CNTNAP4: variants seen among roughly 807,000 people sequenced by gnomAD.
CNTNAP4 encodes the protein contactin associated protein family member 4.
In CNTNAP4, 98 loss-of-function variants were observed where a neutral mutation model predicts 148.4. The observed-to-expected ratio is 0.66, with a 90% confidence interval of 0.56 to 0.78. The LOEUF (loss-of-function observed/expected upper bound fraction) is 0.78. Ranked by LOEUF, CNTNAP4 falls within the 30% of genes least tolerant of loss-of-function variation. The probability of loss-of-function intolerance (pLI) is 0.00; values close to 1 mark genes in which losing one functional copy is unlikely to be tolerated. For synonymous variants in CNTNAP4, 730 were observed against 565.1 expected (o/e 1.29, Z -4.14); for missense variants, 1,935 against 1,565.6 (o/e 1.24, Z -3.98).
intron 3 of CNTNAP4, among the ~76,000 whole-genome samples, chr16:76,385,723 T>C (rs1013964061): frequency 6.6e-6 from 1 of 152,182 alleles, no homozygotes; most frequent in Non-Finnish European, 1.5e-5. Context: ...CATCAATACG[T>C]AACCTTGTTT....
At chr16:76,515,615 T>C (rs1235248878) in intron 15 of CNTNAP4, among the ~76,000 whole-genome samples, 1 of 152,190 alleles carries the variant, frequency 6.6e-6, no homozygotes, top group African/African-American at 2.4e-5. Context: ...ACCTGTGAGA[T>C]TTTGTTATGG....
rs1404563468 is a variant in CNTNAP4, at chr16:76,508,112, C to G, written c.2365+9418C>G. On this transcript the variant is annotated intron_variant, in intron 15 of 23. Transcript: ENST00000611870. ...TCATTTATTCTTGTGTTCCTGATAA[C>G]TAATGTATTACCTATTGCACAAAAG... is the stretch of plus-strand genomic sequence containing the variant. Among the ~76,000 whole-genome samples the G allele has an allele frequency of 8.2e-5, 8 of 97,454 alleles. 3 individuals are homozygous for G. The highest frequency in any genetic ancestry group is 2.3e-4 in the Non-Finnish European group (8 of 34,410). 63.9% of individuals were successfully genotyped at this position (97,454 alleles called of 152,430 possible). A position where few individuals can be genotyped will look rare whatever the true frequency, so the allele number is the denominator to read the frequency against.
chr16:76,369,882 C>A (rs563898797), intron 3 of CNTNAP4, among the ~76,000 whole-genome samples: 1 of 151,924 alleles, frequency 6.6e-6, no homozygotes, highest in Non-Finnish European at 1.5e-5. Flanking sequence ...AGAGGATTTG[C>A]CCTTTCTCCT....
In CNTNAP4 at chr16:76,316,396, A is replaced by G; in HGVS notation, c.86-17A>G. ...CAGCACTAACTAACCCTAACGTGGC[A>G]TTGTTCCTCCTGGCAGATGACTGTG... On this transcript the variant is annotated splice_polypyrimidine_tract_variant and intron_variant, in intron 1 of 23. Coordinates refer to ENST00000611870, the MANE Select transcript of CNTNAP4 (RefSeq NM_033401.5). 3 of 1,581,684 alleles carry G rather than the reference A, an allele frequency of 1.9e-6. No homozygotes were observed. Among genetic ancestry groups the G allele is most frequent in the Middle Eastern group, 1.7e-4 (1 of 6,010 alleles).
chr16:76,361,118 C>T (rs569898076), intron 3 of CNTNAP4, among the ~76,000 whole-genome samples: 5 of 151,956 alleles, frequency 3.3e-5, no homozygotes, highest in East Asian at 1.9e-4. Context: ...GCACCGCGCC[C>T]GGCCCATTTT....
intron 2 of CNTNAP4, among the ~76,000 whole-genome samples, chr16:76,354,627 G>C (rs1048520095): frequency 6.6e-6 from 1 of 152,140 alleles, no homozygotes; most frequent in Non-Finnish European, 1.5e-5. Flanking sequence ...AGATGGTTAT[G>C]TTTAATAACT....
chr16:76,502,152 C>G (rs2082675495), intron 15 of CNTNAP4, among the ~76,000 whole-genome samples: 1 of 152,008 alleles, frequency 6.6e-6, no homozygotes, highest in African/African-American at 2.4e-5. Flanking sequence ...AAACAGTAAT[C>G]AAGTGATTGG....
intron 8 of CNTNAP4, among the ~76,000 whole-genome samples, chr16:76,460,025 ATATG>A (rs1568261759): frequency 6.6e-6 from 1 of 152,158 alleles, no homozygotes; most frequent in Non-Finnish European, 1.5e-5. Context: ...AACTTGGAAA[ATATG>A]TAAGTAAATA....
chr16:76,465,461 ACT>A (rs1305048079), intron 9 of CNTNAP4, among the ~76,000 whole-genome samples: 13 of 151,916 alleles, frequency 8.6e-5, no homozygotes, highest in African/African-American at 3.1e-4. Flanking sequence ...TTTCCTGGTG[ACT>A]CTGGGTTTGC....
At chr16:76,439,384 G>T (rs1050088316) in intron 4 of CNTNAP4, among the ~76,000 whole-genome samples, 3 of 152,114 alleles carry the variant, frequency 2.0e-5, no homozygotes. Flanking sequence ...GAGGCATTTT[G>T]ATATTTCCAT....
intron 1 of CNTNAP4, among the ~76,000 whole-genome samples, chr16:76,282,314 G>A (rs906877962): frequency 4.0e-5 from 6 of 151,812 alleles, no homozygotes; most frequent in African/African-American, 1.4e-4. Context: ...ATCTCAAGTG[G>A]TCTTGTTAGG....
At chr16:76,407,477 A>G (rs1454046140) in intron 3 of CNTNAP4, among the ~76,000 whole-genome samples, 2 of 151,984 alleles carry the variant, frequency 1.3e-5, no homozygotes, top group African/African-American at 4.8e-5. Flanking sequence ...AGGTAAAAAT[A>G]TCAGCATTAA....
chr16:76,459,676 C>T (rs557935477), intron 8 of CNTNAP4, among the ~76,000 whole-genome samples: 1 of 152,238 alleles, frequency 6.6e-6, no homozygotes, highest in African/African-American at 2.4e-5. Context: ...AAATCACATG[C>T]AATATCAGAA....
In CNTNAP4 at chr16:76,553,317, A is replaced by C. The variant is rs1282700797; in HGVS notation, c.3477A>C (p.Ala1159=). Residue 1159 remains alanine (A), a synonymous_variant, in exon 22 of 24, where the codon GCA becomes GCC. Transcript: ENST00000611870. ...ATGTGGACCAGGATACTGCACTGGCAGGTGCGCAGGGCTTCACAGGCTGCC... is the reference window on the plus strand; with the variant it reads ...ATGTGGACCAGGATACTGCACTGGCCGGTGCGCAGGGCTTCACAGGCTGCC... The part of the protein sequence containing the change: ...HSDVDQDTAL[A]GAQGFTGCLS... 1 of 1,612,252 alleles carries C rather than the reference A, an allele frequency of 6.2e-7. No individual in the cohort carries two copies. The highest frequency in any genetic ancestry group is 8.5e-7 in the Non-Finnish European group (1 of 1,178,762).
At position 76,427,580 on chromosome 16, in the gene CNTNAP4, A is replaced by G. The variant is rs1422184824; in HGVS notation, c.519A>G (p.Glu173=). The G allele has an allele frequency of 3.7e-6, 6 of 1,612,090 alleles. No homozygotes were observed. In the East Asian group the frequency reaches 8.9e-5, roughly 24 times the overall value. ...NPKGRIGMRI[E]VFGCAYRSEV... is the part of the protein sequence containing the mutation. ...AGGGCAGAATTGGAATGCGAATCGA[A>G]GTGTTCGGATGTGCATACAGTAAGT... Residue 173 remains glutamate (E), a synonymous_variant, in exon 4 of 24, where the codon GAA becomes GAG. Coordinates refer to ENST00000611870, the MANE Select transcript of CNTNAP4 (RefSeq NM_033401.5).
In CNTNAP4 at chr16:76,298,131, T is replaced by G. The variant is rs2096560319; in HGVS notation, c.86-18282T>G. Among the ~76,000 whole-genome samples, 4 of 152,116 alleles carry G rather than the reference T, an allele frequency of 2.6e-5. No individual in the cohort carries two copies. The South Asian group carries it at 8.3e-4, about 32-fold the overall frequency. On this transcript the variant is annotated intron_variant, in intron 1 of 23. Transcript: ENST00000611870. Reference sequence around the variant, plus strand: ...TTCAAACTACACAGCTGAGCACACATTTTTAATGTTTTATTAATTACTGTG... The same window carrying G: ...TTCAAACTACACAGCTGAGCACACAGTTTTAATGTTTTATTAATTACTGTG...
At chr16:76,456,244 T>C (rs931547928) in intron 8 of CNTNAP4, among the ~76,000 whole-genome samples, 4 of 152,226 alleles carry the variant, frequency 2.6e-5, no homozygotes, top group African/African-American at 9.6e-5. Flanking sequence ...ACAAAGTTGT[T>C]AGAATGGCAT....
At chr16:76,437,532 T>C (rs1425155025) in intron 4 of CNTNAP4, among the ~76,000 whole-genome samples, 1 of 152,104 alleles carries the variant, frequency 6.6e-6, no homozygotes, top group Non-Finnish European at 1.5e-5. Flanking sequence ...TCAAAAAGGA[T>C]AGTAACTGCT....
chr16:76,284,542 G>A (rs1050328705), intron 1 of CNTNAP4, among the ~76,000 whole-genome samples: 7 of 151,754 alleles, frequency 4.6e-5, no homozygotes, highest in Admixed American at 3.9e-4. Context: ...AAGGATTCAG[G>A]GTTTTAAAAA....
Sources: gnomAD v4.1 joint callset for allele counts (sites outside exome capture counted in the v4.1 genomes callset) on GRCh38, gnomAD v4.1.1 for gene constraint, MANE v1.5 for transcripts, NCBI Gene and HGNC (gene_info 2026-07-23, HGNC 2026-07-21) for gene names.